CUBN: variants seen among roughly 807,000 people sequenced by gnomAD.
The protein encoded by CUBN is cubilin, also known as 460 kDa receptor.
In CUBN, 282 loss-of-function variants were observed where a neutral mutation model predicts 405.3. The ratio of observed to expected loss-of-function variants is 0.70; its 90% CI spans 0.63 to 0.77. The LOEUF is 0.77. Among genes scored for constraint, CUBN ranks in the 30% least tolerant of loss-of-function variants. CUBN has a pLI of 0.00. For synonymous variants in CUBN, 1,684 were observed against 1,617.0 expected (o/e 1.04, Z -0.99); for missense variants, 4,514 against 4,475.2 (o/e 1.01, Z -0.25).
chr10:17,088,390 T>C, intron 14 of CUBN, 45 bp from the exon 15 acceptor site: 1 of 1,513,722 alleles, frequency 6.6e-7, no homozygotes, highest in Non-Finnish European at 9.2e-7. Flanking sequence ...ATAGATGCTA[T>C]AATTTATGGA....
chr10:17,033,244 A>C (rs908066855), intron 27 of CUBN, among the ~76,000 whole-genome samples: 1 of 151,954 alleles, frequency 6.6e-6, no homozygotes, highest in African/African-American at 2.4e-5. Flanking sequence ...TCACATCTCA[A>C]GCCTCCTGGC....
Position 17,088,357 on chromosome 10 carries a change from G to A in CUBN, c.1766-12C>T. The A allele has an allele frequency of 6.2e-7, 1 of 1,600,976 alleles. No homozygotes were observed. Among genetic ancestry groups the A allele is most frequent in the Non-Finnish European group, 8.6e-7 (1 of 1,168,300 alleles). On this transcript the variant is annotated splice_polypyrimidine_tract_variant and intron_variant, in intron 14 of 66. Coordinates refer to ENST00000377833, the MANE Select transcript of CUBN (RefSeq NM_001081.4). Reference sequence around the variant, plus strand: ...GATACCTCCACACTCTAAAATAAGAGGGAAAAATAATGTTACATTTGTATA... The same window carrying A: ...GATACCTCCACACTCTAAAATAAGAAGGAAAAATAATGTTACATTTGTATA...
intron 31 of CUBN, among the ~76,000 whole-genome samples, chr10:16,956,657 T>C (rs956018394): frequency 6.6e-6 from 1 of 152,168 alleles, no homozygotes; most frequent in Admixed American, 6.5e-5. Context: ...AGTAATATTC[T>C]ATTAATACTG....
At position 16,850,616 on chromosome 10, in the gene CUBN, C is replaced by T. The variant is rs938284892; in HGVS notation, c.9663+619G>A. 3.8e-4 allele frequency among the ~76,000 whole-genome samples: 58 copies of T among 152,056 alleles called. 1 individual carries two copies. The highest frequency in any genetic ancestry group is 1.1e-3 in the African/African-American group (47 of 41,390). ...CCTCTGGAGCAGCTGGGACTACAGG[C>T]GCCCGCCGCCACACCCGGCTAATTT... On this transcript the variant is annotated intron_variant, in intron 60 of 66. Transcript: ENST00000377833.
At chr10:16,971,981 A>G (rs7904430) in intron 31 of CUBN, among the ~76,000 whole-genome samples, 9,880 of 152,136 alleles carry the variant, frequency 0.065, 1,130 homozygotes, top group African/African-American at 0.23. Context: ...TGCTCCTTGC[A>G]GGTTATTAAA....
intron 54 of CUBN, among the ~76,000 whole-genome samples, chr10:16,891,625 T>A (rs986523449): frequency 1.3e-5 from 2 of 152,142 alleles, no homozygotes; most frequent in African/African-American, 4.8e-5. Flanking sequence ...GGTTTTGCCC[T>A]AGTTCAGGTG....
At position 16,900,814 on chromosome 10, in the gene CUBN, T is replaced by C; in HGVS notation, c.8221A>G (p.Thr2741Ala). 1 of 1,613,930 alleles carries C rather than the reference T, an allele frequency of 6.2e-7. No individual in the cohort carries two copies. Among genetic ancestry groups the C allele is most frequent in the Middle Eastern group, 1.6e-4 (1 of 6,062 alleles). ...ACAGTGACAGAGTCCCAAGCACAAG[T>C]TGTATGGGGTTCAATATCAAAGTCA... ...FSDFDIEPHT[T>A]CAWDSVTVRN... The change falls in exon 53 of 67, where the codon ACT (threonine) becomes GCT (alanine). Residue 2741 changes from threonine to alanine, a missense_variant. Physicochemically the swap from Thr to Ala is moderately conservative, Grantham distance 58. Around this residue, in one of 5 missense-constraint regions of CUBN, gnomAD observed 1,186 missense variants for 1,186.9 expected, o/e 1.00. Transcript: ENST00000377833.
At chr10:16,853,878 G>A (rs1839791896) in intron 59 of CUBN, among the ~76,000 whole-genome samples, 1 of 152,148 alleles carries the variant, frequency 6.6e-6, no homozygotes, top group African/African-American at 2.4e-5. Flanking sequence ...CGATGACTGA[G>A]GGTATGAATG....
intron 8 of CUBN, among the ~76,000 whole-genome samples, chr10:17,111,633 A>G (rs1588650099): frequency 6.6e-6 from 1 of 152,326 alleles, no homozygotes; most frequent in East Asian, 1.9e-4. Flanking sequence ...TAATTAAAAT[A>G]CTAAATGTGG....
intron 26 of CUBN, among the ~76,000 whole-genome samples, chr10:17,042,638 A>G (rs2131816613): frequency 6.6e-6 from 1 of 152,346 alleles, no homozygotes; most frequent in African/African-American, 2.4e-5. Context: ...AAACAGATGT[A>G]TCTCTGATAG....
chr10:16,831,480 A>G (rs745992773), intron 64 of CUBN, 63 bp from the exon 65 acceptor site: 3 of 1,370,222 alleles, frequency 2.2e-6, no homozygotes, highest in Non-Finnish European at 3.1e-6. Flanking sequence ...ATACATTAAA[A>G]TGGAGACAAT....
chr10:17,121,662 A>G (rs570995033), intron 6 of CUBN, among the ~76,000 whole-genome samples: 14 of 152,210 alleles, frequency 9.2e-5, no homozygotes, highest in Middle Eastern at 3.4e-3. Flanking sequence ...AAACCTGAAC[A>G]TTGTGCACAT....
intron 55 of CUBN, 62 bp from the exon 56 acceptor site, chr10:16,888,628 G>T: frequency 6.8e-7 from 1 of 1,470,100 alleles, no homozygotes; most frequent in Non-Finnish European, 9.5e-7. Context: ...TTTTGTCCAT[G>T]AAGGAAAGAG....
At chr10:16,997,540 G>C (rs1280405983) in intron 28 of CUBN, among the ~76,000 whole-genome samples, 1 of 151,884 alleles carries the variant, frequency 6.6e-6, no homozygotes, top group African/African-American at 2.4e-5. Context: ...TGGTAACTAA[G>C]AGCTCAGAAT....
chr10:16,988,636 C>G (rs1391731032), intron 29 of CUBN, among the ~76,000 whole-genome samples: 1 of 152,132 alleles, frequency 6.6e-6, no homozygotes, highest in Non-Finnish European at 1.5e-5. Context: ...CCTAGTGACT[C>G]TCACTGAGGG....
At chr10:17,009,400 C>T (rs912580216) in intron 28 of CUBN, among the ~76,000 whole-genome samples, 1 of 152,122 alleles carries the variant, frequency 6.6e-6, no homozygotes, top group Non-Finnish European at 1.5e-5. Flanking sequence ...AAAAATGTTC[C>T]CAACATAAAA....
chr10:16,996,979 AT>A (rs1357965529), intron 28 of CUBN, among the ~76,000 whole-genome samples: 1 of 152,266 alleles, frequency 6.6e-6, no homozygotes, highest in Non-Finnish European at 1.5e-5. Context: ...AGAGAATTAA[AT>A]TTTAAAAGTA....
At chr10:16,899,678 G>T (rs1841300528) in intron 53 of CUBN, among the ~76,000 whole-genome samples, 1 of 152,074 alleles carries the variant, frequency 6.6e-6, no homozygotes, top group African/African-American at 2.4e-5. Flanking sequence ...CTGACTGATG[G>T]ATCAAAATTA....
intron 62 of CUBN, among the ~76,000 whole-genome samples, chr10:16,837,564 T>C (rs1359381686): frequency 6.6e-6 from 1 of 152,130 alleles, no homozygotes; most frequent in Non-Finnish European, 1.5e-5. Context: ...AGACAAGCCA[T>C]TAAACACCCT....
Sources: allele counts gnomAD v4.1 joint callset (sites outside exome capture counted in the v4.1 genomes callset), GRCh38; gene constraint gnomAD v4.1.1; regional missense constraint gnomAD v4.1.1; transcripts MANE v1.5; gene names NCBI Gene and HGNC (gene_info 2026-07-23, HGNC 2026-07-21).